The following TRMT6 variants were observed in gnomAD, a reference collection of about 807,000 sequenced individuals.
TRMT6 encodes the protein tRNA methyltransferase 6 non-catalytic subunit.
Under a neutral mutation model 59.0 loss-of-function variants are expected in TRMT6, and 34 were observed. The ratio of observed to expected loss-of-function variants is 0.58; its 90% CI spans 0.44 to 0.77. The LOEUF (loss-of-function observed/expected upper bound fraction) is 0.77. Ranked by LOEUF, TRMT6 falls within the 30% of genes least tolerant of loss-of-function variation. The probability of loss-of-function intolerance (pLI) is 0.00; values close to 1 mark genes in which losing one functional copy is unlikely to be tolerated. For synonymous variants in TRMT6, 217 were observed against 210.5 expected (o/e 1.03, Z -0.27); for missense variants, 575 against 604.5 (o/e 0.95, Z 0.51).
At position 5,943,790 on chromosome 20, in the gene TRMT6, T is replaced by C. The variant is rs527795054; in HGVS notation, c.543-107A>G. The C allele has an allele frequency of 2.7e-4, 414 of 1,538,882 alleles. 1 individual carries two copies. The highest frequency in any genetic ancestry group is 3.5e-4 in the Non-Finnish European group (404 of 1,144,894). ...TTTATTAAAATTGTGTTGATAAGAT[T>C]ATTGATTGCTTTGGAGGTGACAGTA... On this transcript the variant is annotated intron_variant, in intron 5 of 10. Coordinates refer to ENST00000203001, the MANE Select transcript of TRMT6 (RefSeq NM_015939.5).
At chr20:5,947,139 C>T (rs537467510) in intron 1 of TRMT6, among the ~76,000 whole-genome samples, 6 of 152,280 alleles carry the variant, frequency 3.9e-5, no homozygotes, top group Admixed American at 3.9e-4. Context: ...CAATCCGAGG[C>T]CCAGGGAGAA....
chr20:5,950,226 G>A lies in TRMT6; in HGVS notation c.128+52C>T, dbSNP rs143721941. 1.9e-5 allele frequency: 29 copies of A among 1,499,716 alleles called. No individual in the cohort carries two copies. In the East Asian group the frequency reaches 7.3e-4, roughly 38 times the overall value. 92.9% of individuals were successfully genotyped at this position (1,499,716 alleles called of 1,614,324 possible). A position where few individuals can be genotyped will look rare whatever the true frequency, so the allele number is the denominator to read the frequency against. ...TCTGTGGAGAAACCTGGAGGGAGGG[G>A]GTATCTACAAGGTGGGGGCGGGAGA... On this transcript the variant is annotated intron_variant, in intron 1 of 10. Coordinates refer to ENST00000203001, the MANE Select transcript of TRMT6 (RefSeq NM_015939.5).
chr20:5,946,963 T>A (rs570746282), intron 1 of TRMT6, among the ~76,000 whole-genome samples: 59 of 152,324 alleles, frequency 3.9e-4, no homozygotes, highest in African/African-American at 1.4e-3. Flanking sequence ...TTTATCTTAT[T>A]GCAATTTAAA....
At position 5,942,711 on chromosome 20, in the gene TRMT6, T is replaced by G; in HGVS notation, c.743A>C (p.Lys248Thr). The change falls in exon 7 of 11, where the codon AAA (lysine) becomes ACA (threonine). Residue 248 changes from lysine (K) to threonine (T), a missense_variant. Lys to Thr is a moderately conservative substitution (Grantham distance 78). Coordinates refer to ENST00000203001, the MANE Select transcript of TRMT6 (RefSeq NM_015939.5). ...RAATACFGFP[K>T]SFLSGLYEFP... ...TTCATAAAGACCACTGAGAAAAGAT[T>G]TGGGAAATCCAAAACATGCTGTTGC... 2 of 1,613,962 alleles carry G rather than the reference T, an allele frequency of 1.2e-6. No individual in the cohort carries two copies. Among genetic ancestry groups the G allele is most frequent in the Non-Finnish European group, 1.7e-6 (2 of 1,179,974 alleles).
Position 5,941,427 on chromosome 20 carries a change from T to C in TRMT6, c.1113-82A>G, listed in dbSNP as rs2088655176. On this transcript the variant is annotated intron_variant, in intron 8 of 10. Transcript: ENST00000203001. The stretch of plus-strand genomic sequence containing the variant: ...TTTTAAAATGCATTTAAAATGATCA[T>C]GTATTTAATTTGCATGACTCACAAA... 6.1e-6 allele frequency: 6 copies of C among 983,062 alleles called. No individual in the cohort carries two copies. The Admixed American group carries it at 6.7e-5, about 11-fold the overall frequency. The allele number at this position is 983,062 out of a possible 1,614,324, so 60.9% of individuals were successfully genotyped here.
Position 5,950,334 on chromosome 20 carries a change from G to C in TRMT6, c.72C>G (p.Asp24Glu), listed in dbSNP as rs781283749. ...CATCTTCACGTTTCAGCACCACGAA[G>C]TCGCCGTCGCGGATGCGGTGGTCTC... Reference protein sequence around the residue: ...HPGDHRIRDGDFVVLKREDVF... With the variant: ...HPGDHRIRDGEFVVLKREDVF... The change falls in exon 1 of 11, where the codon GAC becomes GAG. Residue 24 changes from aspartate (D) to glutamate (E), a missense_variant. Physicochemically the swap from Asp to Glu is conservative, Grantham distance 45. Transcript: ENST00000203001. 10 of 1,613,436 alleles carry C rather than the reference G, an allele frequency of 6.2e-6. No individual in the cohort carries two copies. Among genetic ancestry groups the C allele is most frequent in the Non-Finnish European group, 8.5e-6 (10 of 1,179,970 alleles).
chr20:5,944,075 A>G (rs763152994), intron 4 of TRMT6, 44 bp from the exon 5 acceptor site: 1 of 1,440,176 alleles, frequency 6.9e-7, no homozygotes. Flanking sequence ...AAAATGACTT[A>G]AAATATTTTA....
chr20:5,943,547 A>G lies in TRMT6; in HGVS notation c.667+12T>C. ...GTGGGGTTTTGTTGAAAATGGAAATATTAAATCTTACCTCCCATTCGTTCC... is the reference window on the plus strand; with the variant it reads ...GTGGGGTTTTGTTGAAAATGGAAATGTTAAATCTTACCTCCCATTCGTTCC... On this transcript the variant is annotated intron_variant, in intron 6 of 10. Coordinates refer to ENST00000203001, the MANE Select transcript of TRMT6 (RefSeq NM_015939.5). 6.2e-7 allele frequency: 1 copy of G among 1,613,442 alleles called. No homozygotes were observed. The highest frequency in any genetic ancestry group is 8.5e-7 in the Non-Finnish European group (1 of 1,179,762).
chr20:5,943,360 TG>T (rs2088675767), intron 6 of TRMT6, among the ~76,000 whole-genome samples, 198 bp downstream of exon 6: 1 of 152,266 alleles, frequency 6.6e-6, no homozygotes, highest in Admixed American at 6.5e-5. Context: ...GCCATGGGTT[TG>T]GGGGTACCCA....
chr20:5,944,880 T>A lies in TRMT6; in HGVS notation c.291A>T (p.Ile97=). The part of the protein sequence containing the change: ...TKEAGTDNRN[I]VDDGKSQKLT... ...GTTTCTGAGATTTCCCATCATCAACTATATTTCGATTATCAGTGCCCGCTT... is the reference window on the plus strand; with the variant it reads ...GTTTCTGAGATTTCCCATCATCAACAATATTTCGATTATCAGTGCCCGCTT... Residue 97 remains isoleucine (I), a synonymous_variant, in exon 3 of 11, where the codon ATA becomes ATT. Transcript: ENST00000203001. 15 of 1,614,050 alleles carry A rather than the reference T, an allele frequency of 9.3e-6. No individual in the cohort carries two copies. The highest frequency in any genetic ancestry group is 1.3e-5 in the Non-Finnish European group (15 of 1,179,918).
Position 5,938,473 on chromosome 20 carries a change from T to C in TRMT6, c.*62A>G. The stretch of plus-strand genomic sequence containing the variant: ...TGAAAAAACAAGTAGTAATGGCATT[T>C]AAAGTTTAATTACTAACTGTATAAT... On this transcript the variant is annotated 3_prime_UTR_variant, in exon 11 of 11. Transcript: ENST00000203001. The C allele has an allele frequency of 6.7e-7, 1 of 1,501,394 alleles. No individual in the cohort carries two copies. The highest frequency in any genetic ancestry group is 9.0e-7 in the Non-Finnish European group (1 of 1,105,432). 93.0% of individuals were successfully genotyped at this position (1,501,394 alleles called of 1,614,324 possible).
At position 5,942,540 on chromosome 20, in the gene TRMT6, C is replaced by T. The variant is rs755964297; in HGVS notation, c.914G>A (p.Ser305Asn). 8.7e-6 allele frequency: 14 copies of T among 1,614,132 alleles called. No individual in the cohort carries two copies. The East Asian group carries it at 2.9e-4, about 33-fold the overall frequency. Residue 305 changes from serine (S) to asparagine (N), a missense_variant, in exon 7 of 11, where the codon AGC (serine) becomes AAC (asparagine). Ser to Asn is a conservative substitution (Grantham distance 46). Transcript: ENST00000203001. Reference sequence around the variant, plus strand: ...GTTGCTCTCTGGGGCCTCTGCCATGCTGTCTTCATTCTCTTGTTCAGAAGC... The same window carrying T: ...GTTGCTCTCTGGGGCCTCTGCCATGTTGTCTTCATTCTCTTGTTCAGAAGC... ...KQASEQENED[S>N]MAEAPESNHP...
chr20:5,941,225 A>G lies in TRMT6; in HGVS notation c.1215+18T>C, dbSNP rs967453676. The stretch of plus-strand genomic sequence containing the variant: ...CATTCAGACATAAGAATTCCTGCCC[A>G]TTCCATTCCAGTATTACCTCTTTGT... On this transcript the variant is annotated intron_variant, in intron 9 of 10. Coordinates refer to ENST00000203001, the MANE Select transcript of TRMT6 (RefSeq NM_015939.5). 1 of 1,610,896 alleles carries G rather than the reference A, an allele frequency of 6.2e-7. No individual in the cohort carries two copies. The highest frequency in any genetic ancestry group is 1.7e-5 in the Admixed American group (1 of 60,010).
At chr20:5,950,023 C>A (rs1010453394) in intron 1 of TRMT6, among the ~76,000 whole-genome samples, 3 of 151,976 alleles carry the variant, frequency 2.0e-5, no homozygotes, top group African/African-American at 7.3e-5. Context: ...TGAAGGTGGA[C>A]GGCCAGATAT....
At position 5,942,801 on chromosome 20, in the gene TRMT6, G is replaced by T. The variant is rs1231676372; in HGVS notation, c.668-15C>A. On this transcript the variant is annotated splice_polypyrimidine_tract_variant and intron_variant, in intron 6 of 10. Transcript: ENST00000203001. ...GGAGCCAAAACCTGAACAGATAAAA[G>T]AAACAAACATCTGCCCGTGGAGTGA... is the stretch of plus-strand genomic sequence containing the variant. 1 of 1,595,996 alleles carries T rather than the reference G, an allele frequency of 6.3e-7. No individual in the cohort carries two copies. Among genetic ancestry groups the T allele is most frequent in the Non-Finnish European group, 8.6e-7 (1 of 1,167,844 alleles).
intron 1 of TRMT6, among the ~76,000 whole-genome samples, chr20:5,947,155 T>A (rs2088714831): frequency 6.6e-6 from 1 of 152,202 alleles, no homozygotes; most frequent in Admixed American, 6.5e-5. Context: ...GAGAAGTATC[T>A]TGTCCAAGAT....
Position 5,938,720 on chromosome 20 carries a change from G to A in TRMT6, c.1309C>T (p.Pro437Ser), listed in dbSNP as rs867757911. Reference protein sequence around the residue: ...ETWLRNYQVLPDRSHPKLLMS... With the variant: ...ETWLRNYQVLSDRSHPKLLMS... Reference sequence around the variant, plus strand: ...AGCAGTTTAGGATGACTTCGATCTGGCAAAACCTAATCAAGACAGAAAAGA... The same window carrying A: ...AGCAGTTTAGGATGACTTCGATCTGACAAAACCTAATCAAGACAGAAAAGA... Residue 437 changes from proline (P) to serine (S), a missense_variant, in exon 11 of 11, where the codon CCA (proline) becomes TCA (serine). Pro to Ser is a moderately conservative substitution (Grantham distance 74). Transcript: ENST00000203001. 6.2e-7 allele frequency: 1 copy of A among 1,613,782 alleles called. No homozygotes were observed. The highest frequency in any genetic ancestry group is 1.7e-5 in the Admixed American group (1 of 59,952).
chr20:5,941,054 T>C lies in TRMT6; in HGVS notation c.1301A>G (p.Gln434Arg). 1 of 1,613,464 alleles carries C rather than the reference T, an allele frequency of 6.2e-7. No homozygotes were observed. Among genetic ancestry groups the C allele is most frequent in the Non-Finnish European group, 8.5e-7 (1 of 1,179,388 alleles). Residue 434 changes from glutamine to arginine, a missense_variant and splice_region_variant, in exon 10 of 11, where the codon CAG becomes CGG. Coordinates refer to ENST00000203001, the MANE Select transcript of TRMT6 (RefSeq NM_015939.5). Reference sequence around the variant, plus strand: ...GGGACTGGCTGTAAGAACACGTACCTGATAATTTCTGAGCCAGGTTTCAGA... The same window carrying C: ...GGGACTGGCTGTAAGAACACGTACCCGATAATTTCTGAGCCAGGTTTCAGA... ...RLSETWLRNY[Q>R]VLPDRSHPKL... is the part of the protein sequence containing the mutation.
chr20:5,943,450 T>G (rs1204591951), intron 6 of TRMT6, 109 bp downstream of exon 6: 1 of 1,441,916 alleles, frequency 6.9e-7, no homozygotes, highest in Non-Finnish European at 9.5e-7. Context: ...CAAGTCACTT[T>G]GTTAACCCTG....
Sources: allele counts gnomAD v4.1 joint callset (sites outside exome capture counted in the v4.1 genomes callset), GRCh38; gene constraint gnomAD v4.1.1; transcripts MANE v1.5; gene names NCBI Gene and HGNC (gene_info 2026-07-23, HGNC 2026-07-21).